KIAA1217: variants seen among roughly 807,000 people sequenced by gnomAD.
KIAA1217 encodes KIAA1217, also known as sickle tail protein homolog.
KIAA1217 carries 88 observed loss-of-function variants against 163.9 expected under a neutral mutation model. That is an observed-to-expected ratio of 0.54 (90% CI 0.45 to 0.64). KIAA1217 has a LOEUF of 0.64. KIAA1217 is among the 30% of genes least tolerant of loss of function. The pLI is 0.00. For synonymous variants in KIAA1217, 903 were observed against 923.1 expected, an observed-to-expected ratio of 0.98 and a Z score of 0.39; for missense variants, 2,372 against 2,475.0, an observed-to-expected ratio of 0.96 and a Z score of 0.88.
chr10:23,900,017 T>C (rs1324163138), intron 1 of KIAA1217, among the ~76,000 whole-genome samples: 2 of 151,784 alleles, frequency 1.3e-5, no homozygotes, highest in East Asian at 1.9e-4. Flanking sequence ...CCTTTTTTTT[T>C]CTTTGAGACA....
rs77216130 is a variant in KIAA1217, at chr10:24,110,087, A to G, written c.-171+102713A>G. Among the ~76,000 whole-genome samples the G allele has an allele frequency of 3.2e-4, 49 of 152,354 alleles. No individual in the cohort carries two copies. The East Asian group carries it at 7.1e-3, about 22-fold the overall frequency. ...CTATCAAGTGCAAAGTGGCTCTGGTATAACTATAGATGAGAATGGACTTTG... is the reference window on the plus strand; with the variant it reads ...CTATCAAGTGCAAAGTGGCTCTGGTGTAACTATAGATGAGAATGGACTTTG... On this transcript the variant is annotated intron_variant, in intron 2 of 18. Transcript: ENST00000376462.
intron 1 of KIAA1217, among the ~76,000 whole-genome samples, chr10:24,211,967 C>A (rs1319955486): frequency 6.6e-6 from 1 of 151,752 alleles, no homozygotes; most frequent in Non-Finnish European, 1.5e-5. Flanking sequence ...TCACTTCAGC[C>A]AGGAGGTTGA....
chr10:23,703,018 G>T (rs1836581163), intron 1 of KIAA1217, among the ~76,000 whole-genome samples: 2 of 151,952 alleles, frequency 1.3e-5, no homozygotes, highest in Non-Finnish European at 2.9e-5. Context: ...TTTGCCCTCT[G>T]TATTCTGGTC....
chr10:24,072,907 A>T (rs1430012587), intron 2 of KIAA1217, among the ~76,000 whole-genome samples: 1 of 152,052 alleles, frequency 6.6e-6, no homozygotes, highest in East Asian at 1.9e-4. Context: ...GAAATACAAA[A>T]TTTAACTGGG....
chr10:24,367,257 C>A, intron 2 of KIAA1217: 1 of 626,738 alleles, frequency 1.6e-6, no homozygotes, highest in Non-Finnish European at 2.0e-6. Context: ...CTGCACCTTT[C>A]CCTCACCTGC....
chr10:24,431,353 T>C (rs2059591204), intron 3 of KIAA1217, among the ~76,000 whole-genome samples: 2 of 152,228 alleles, frequency 1.3e-5, no homozygotes, highest in South Asian at 4.1e-4. Context: ...GTTTCAGTTA[T>C]CTGTTTCTGA....
intron 1 of KIAA1217, among the ~76,000 whole-genome samples, chr10:23,964,494 C>T (rs962154173): frequency 2.0e-5 from 3 of 152,046 alleles, no homozygotes; most frequent in African/African-American, 7.2e-5. Context: ...GAAGTCTTTG[C>T]CCATGCCTAT....
At position 24,286,984 on chromosome 10, in the gene KIAA1217, T is replaced by A. The variant is rs192041855; in HGVS notation, c.354+67075T>A. 8.5e-3 allele frequency among the ~76,000 whole-genome samples: 1,297 copies of A among 152,302 alleles called. 8 individuals are homozygous for A. The highest frequency in any genetic ancestry group is 0.011 in the Non-Finnish European group (758 of 68,026). ...AATACAAAATTCCTCAGTTCTTGCT[T>A]ATGGATTTGGACTTCAAAGCATCTT... On this transcript the variant is annotated intron_variant, in intron 2 of 20. Coordinates refer to ENST00000376454, the MANE Select transcript of KIAA1217 (RefSeq NM_019590.5).
intron 14 of KIAA1217, among the ~76,000 whole-genome samples, chr10:24,529,211 C>T (rs995622492): frequency 2.3e-4 from 35 of 152,240 alleles, no homozygotes; most frequent in African/African-American, 8.4e-4. Flanking sequence ...AGATTAGTTC[C>T]AGGACTCCCA....
At chr10:24,210,229 T>C (rs2067895561) in intron 1 of KIAA1217, among the ~76,000 whole-genome samples, 1 of 152,090 alleles carries the variant, frequency 6.6e-6, no homozygotes, top group Non-Finnish European at 1.5e-5. Flanking sequence ...ACATGACTCA[T>C]CCACGCTGAA....
intron 2 of KIAA1217, chr10:24,158,640 A>T (rs1425052922): frequency 9.8e-6 from 5 of 511,002 alleles, no homozygotes; most frequent in African/African-American, 9.7e-5. Context: ...TCAAAACTTT[A>T]GGTACACTAG....
chr10:23,999,875 C>T (rs993129340), intron 1 of KIAA1217, among the ~76,000 whole-genome samples: 3 of 151,938 alleles, frequency 2.0e-5, no homozygotes, highest in African/African-American at 7.3e-5. Flanking sequence ...GACTAGACAA[C>T]ATAGCAAGGC....
chr10:24,127,845 G>A (rs2063520307), intron 2 of KIAA1217, among the ~76,000 whole-genome samples: 1 of 152,108 alleles, frequency 6.6e-6, no homozygotes, highest in African/African-American at 2.4e-5. Context: ...TACTTCCTTT[G>A]AACATCCTGT....
intron 14 of KIAA1217, among the ~76,000 whole-genome samples, chr10:24,531,450 T>A (rs2073106742): frequency 1.3e-5 from 2 of 152,286 alleles, no homozygotes. Context: ...TTTTTTTTTT[T>A]ATCTATCCAA....
At chr10:24,138,363 G>T (rs2063915374) in intron 2 of KIAA1217, among the ~76,000 whole-genome samples, 1 of 152,096 alleles carries the variant, frequency 6.6e-6, no homozygotes, top group Non-Finnish European at 1.5e-5. Flanking sequence ...TTCCCAGGCT[G>T]GTCTTGAACT....
chr10:24,467,258 T>C (rs1437406704), intron 5 of KIAA1217, among the ~76,000 whole-genome samples: 1 of 152,246 alleles, frequency 6.6e-6, no homozygotes, highest in African/African-American at 2.4e-5. Context: ...AACAGCATTT[T>C]GATCCGTGTG....
At chr10:24,264,614 G>C (rs57240727) in intron 2 of KIAA1217, among the ~76,000 whole-genome samples, 14 of 152,192 alleles carry the variant, frequency 9.2e-5, no homozygotes, top group Admixed American at 2.0e-4. Flanking sequence ...TTGTTTTAGA[G>C]GATAGCTGGG....
intron 2 of KIAA1217, among the ~76,000 whole-genome samples, chr10:24,015,921 A>G (rs1847461999): frequency 6.6e-6 from 1 of 151,958 alleles, no homozygotes; most frequent in African/African-American, 2.4e-5. Context: ...AAAAAAAACC[A>G]GGATATGCTT....
intron 2 of KIAA1217, among the ~76,000 whole-genome samples, chr10:24,233,173 C>T (rs2071697432): frequency 6.6e-6 from 1 of 151,974 alleles, no homozygotes; most frequent in Admixed American, 6.6e-5. Context: ...AACATCTGCC[C>T]TCTCTTAGTC....
Sources: gnomAD v4.1 joint callset for allele counts (sites outside exome capture counted in the v4.1 genomes callset) on GRCh38, gnomAD v4.1.1 for gene constraint, MANE v1.5 for transcripts, NCBI Gene and HGNC (gene_info 2026-07-23, HGNC 2026-07-21) for gene names.